The following RALGDS variants were observed in gnomAD, a reference collection of about 807,000 sequenced individuals.
RALGDS encodes ral guanine nucleotide dissociation stimulator, also known as ral guanine nucleotide exchange factor.
In RALGDS, 44 loss-of-function variants were observed where a neutral mutation model predicts 99.8. That is an observed-to-expected ratio of 0.44 (90% CI 0.35 to 0.57). The LOEUF (loss-of-function observed/expected upper bound fraction) is 0.57. Among genes scored for constraint, RALGDS ranks in the 20% least tolerant of loss-of-function variants. RALGDS has a pLI of 0.01. For missense variants in RALGDS, 1,022 were observed against 1,203.1 expected (o/e 0.85, Z 2.23); for synonymous variants, 529 against 505.0 (o/e 1.05, Z -0.64).
At chr9:133,119,728 G>C (rs1831814875) in intron 1 of RALGDS, among the ~76,000 whole-genome samples, 1 of 151,818 alleles carries the variant, frequency 6.6e-6, no homozygotes, top group Non-Finnish European at 1.5e-5. Flanking sequence ...CCAGAGCCCT[G>C]GATAGATGAG....
chr9:133,129,702 C>T (rs558259557), intron 1 of RALGDS, among the ~76,000 whole-genome samples: 10 of 152,276 alleles, frequency 6.6e-5, no homozygotes, highest in African/African-American at 2.4e-4. Flanking sequence ...TAGCCAGAGG[C>T]ACTGGGAGGC....
At position 133,100,439 on chromosome 9, in the gene RALGDS, G is replaced by C. The variant is rs549439661; in HGVS notation, c.2455-57C>G. The C allele has an allele frequency of 6.8e-6, 11 of 1,609,298 alleles. No individual in the cohort carries two copies. In the African/African-American group the frequency reaches 1.5e-4, roughly 22 times the overall value. On this transcript the variant is annotated intron_variant, in intron 16 of 17. Transcript: ENST00000372050. ...AAAAGACCCTGGAGCGGCTCCCCCAGAGTGCAGTGGCCAAGGACCCTCTGG... is the reference window on the plus strand; with the variant it reads ...AAAAGACCCTGGAGCGGCTCCCCCACAGTGCAGTGGCCAAGGACCCTCTGG...
Position 133,145,992 on chromosome 9 carries a change from C to T in RALGDS, c.18+2971G>A, listed in dbSNP as rs184952823. Among the ~76,000 whole-genome samples, 115 of 152,272 alleles carry T rather than the reference C, an allele frequency of 7.6e-4. 1 individual carries two copies. Among genetic ancestry groups the T allele is most frequent in the African/African-American group, 2.8e-3 (115 of 41,546 alleles). Reference sequence around the variant, plus strand: ...CTTCTCACAGGGGCGAGACACAGCCCGGAATACAAGTCGGACAGGCTGGGC... The same window carrying T: ...CTTCTCACAGGGGCGAGACACAGCCTGGAATACAAGTCGGACAGGCTGGGC... On this transcript the variant is annotated intron_variant, in intron 1 of 17. Transcript: ENST00000393160.
intron 1 of RALGDS, among the ~76,000 whole-genome samples, chr9:133,127,485 G>C (rs765200884): frequency 2.0e-5 from 3 of 152,228 alleles, no homozygotes; most frequent in African/African-American, 7.2e-5. Context: ...AGCCTGGGGA[G>C]GACATGAAAA....
rs918327015 is a variant in RALGDS, at chr9:133,144,681, C to A, written c.18+4282G>T. 6.6e-6 allele frequency among the ~76,000 whole-genome samples: 1 copy of A among 152,220 alleles called. No individual in the cohort carries two copies. The highest frequency in any genetic ancestry group is 2.4e-5 in the African/African-American group (1 of 41,466). The stretch of plus-strand genomic sequence containing the variant: ...CGCCCCCACACCCCCTGGCTGGGGG[C>A]TGGGTTCCTGCGATGTCTTCCGACT... On this transcript the variant is annotated intron_variant, in intron 1 of 17. Transcript: ENST00000393160. The surrounding 1 kb of genome is among the most constrained non-coding windows in gnomAD (Gnocchi z 4.5).
At chr9:133,138,745 C>T (rs1832466272) in intron 1 of RALGDS, among the ~76,000 whole-genome samples, 1 of 152,206 alleles carries the variant, frequency 6.6e-6, no homozygotes, top group Non-Finnish European at 1.5e-5. Context: ...AGCAATTCTC[C>T]TGCCTCAGCC....
chr9:133,114,695 G>A lies in RALGDS; in HGVS notation c.184-2543C>T, dbSNP rs369396344. 6.6e-5 allele frequency among the ~76,000 whole-genome samples: 10 copies of A among 152,324 alleles called. No homozygotes were observed. The East Asian group carries it at 1.7e-3, about 26-fold the overall frequency. Reference sequence around the variant, plus strand: ...AGAAAACGCTTTCCCCTGAGGGCAGGTGCCCAGGCAGCCGCTATGAGCTGA... The same window carrying A: ...AGAAAACGCTTTCCCCTGAGGGCAGATGCCCAGGCAGCCGCTATGAGCTGA... On this transcript the variant is annotated intron_variant, in intron 1 of 17. Transcript: ENST00000372050.
At chr9:133,132,662 C>T (rs762576979), upstream of RALGDS, among the ~76,000 whole-genome samples, 3 of 151,272 alleles carry the variant, frequency 2.0e-5, no homozygotes, top group Non-Finnish European at 2.9e-5. Flanking sequence ...TTGTTTGAGA[C>T]GGAGTCTCGC....
At chr9:133,114,892 C>T (rs563288542) in intron 1 of RALGDS, among the ~76,000 whole-genome samples, 20 of 152,310 alleles carry the variant, frequency 1.3e-4, no homozygotes, top group Admixed American at 3.9e-4. Context: ...GTGAGGGTGG[C>T]ATGGGGTCCC....
intron 17 of RALGDS, chr9:133,099,065 T>G: frequency 2.6e-6 from 1 of 390,696 alleles, no homozygotes; most frequent in Non-Finnish European, 4.8e-6. Context: ...GCTGCCCACC[T>G]GGAACAGGCT....
At chr9:133,130,725 A>T (rs1229807811) in intron 1 of RALGDS, among the ~76,000 whole-genome samples, 1 of 152,204 alleles carries the variant, frequency 6.6e-6, no homozygotes. Flanking sequence ...ATTGGAAGCC[A>T]TCAGACGCAT....
chr9:133,130,052 A>C (rs1324387697), intron 1 of RALGDS, among the ~76,000 whole-genome samples: 1 of 151,572 alleles, frequency 6.6e-6, no homozygotes, highest in Non-Finnish European at 1.5e-5. Flanking sequence ...GGCTCACTGC[A>C]CCTCTGCCTC....
intron 5 of RALGDS, 96 bp from the exon 6 acceptor site, chr9:133,108,502 G>A (rs182765423): frequency 4.9e-6 from 7 of 1,439,142 alleles, no homozygotes; most frequent in East Asian, 2.5e-5. Flanking sequence ...CTCTCTCCCC[G>A]AACCCACAAA....
intron 1 of RALGDS, chr9:133,129,362 C>G (rs1017218959): frequency 5.3e-6 from 8 of 1,519,580 alleles, no homozygotes; most frequent in Non-Finnish European, 6.1e-6. Flanking sequence ...GCGGGAGGCC[C>G]TCTGCCAGTG....
At chr9:133,100,681 A>C (rs1475047210) in intron 16 of RALGDS, 2 of 1,278,164 alleles carry the variant, frequency 1.6e-6, no homozygotes, top group Non-Finnish European at 2.0e-6. Context: ...CTTGAGAAGC[A>C]CTTGCCCCTC....
intron 1 of RALGDS, among the ~76,000 whole-genome samples, chr9:133,116,629 C>T (rs1472608943): frequency 3.3e-5 from 5 of 152,240 alleles, no homozygotes; most frequent in African/African-American, 1.2e-4. Flanking sequence ...GGGCTGGTCC[C>T]AAGGGGGTGC....
At chr9:133,106,837 A>G (rs1234194122) in intron 7 of RALGDS, 89 bp from the exon 8 acceptor site, 3 of 1,074,866 alleles carry the variant, frequency 2.8e-6, no homozygotes, top group African/African-American at 3.1e-5. Flanking sequence ...CTCCCCTCCT[A>G]ATGAGACAGA....
chr9:133,100,105 T>C (rs1830683230), intron 17 of RALGDS, 163 bp downstream of exon 17: 3 of 739,680 alleles, frequency 4.1e-6, no homozygotes, highest in Non-Finnish European at 7.3e-6. Context: ...CAGTGGTTGC[T>C]GGGGACAGCA....
rs1830763684 is a variant in RALGDS at position 133,101,690 on chromosome 9, A to G, written c.2284T>C (p.Ser762Pro). The change falls in exon 16 of 18, where the codon TCC (serine) becomes CCC (proline). Residue 762 changes from serine (S) to proline (P), a missense_variant. By Grantham distance (74) the Ser-to-Pro change is moderately conservative (BLOSUM62 -1). Coordinates refer to ENST00000372050, the MANE Select transcript of RALGDS (RefSeq NM_006266.4). ...GCCACGGGCGTGGTGGAGGCTGAGG[A>G]GGACGAGGTGCTGCTGGAGGCTGAG... ...ISSASSSTSS[S>P]SASTTPVAAT... 4.3e-6 allele frequency: 7 copies of G among 1,613,970 alleles called. No individual in the cohort carries two copies. Among genetic ancestry groups the G allele is most frequent in the Non-Finnish European group, 5.9e-6 (7 of 1,179,980 alleles).
Sources: allele counts gnomAD v4.1 joint callset (sites outside exome capture counted in the v4.1 genomes callset), GRCh38; gene constraint gnomAD v4.1.1; non-coding constraint Gnocchi (gnomAD v3.1); transcripts MANE v1.5; gene names NCBI Gene and HGNC (gene_info 2026-07-23, HGNC 2026-07-21).